HNRNPM: variants seen among roughly 807,000 people sequenced by gnomAD.
The protein encoded by HNRNPM is CEA receptor.
In HNRNPM, 11 loss-of-function variants were observed where a neutral mutation model predicts 73.1. The ratio of observed to expected loss-of-function variants is 0.15; its 90% CI spans 0.09 to 0.25. The LOEUF is 0.25. Among genes scored for constraint, HNRNPM ranks in the 10% least tolerant of loss-of-function variants. The pLI, the probability that HNRNPM is intolerant of heterozygous loss-of-function variation, is 1.00. For synonymous variants in HNRNPM, 407 were observed against 355.2 expected, an observed-to-expected ratio of 1.15 and a Z score of -1.64; for missense variants, 789 against 1,067.9, an observed-to-expected ratio of 0.74 and a Z score of 3.64.
chr19:8,452,929 C>T (rs1276846151), intron 1 of HNRNPM, among the ~76,000 whole-genome samples: 1 of 152,074 alleles, frequency 6.6e-6, no homozygotes, highest in African/African-American at 2.4e-5. Context: ...CAATCTTGAC[C>T]TCCTGGACTG....
intron 2 of HNRNPM, among the ~76,000 whole-genome samples, chr19:8,460,527 G>T (rs1969328684): frequency 6.6e-6 from 1 of 152,186 alleles, no homozygotes; most frequent in Non-Finnish European, 1.5e-5. Context: ...AGTCAGGTGT[G>T]CTATTTCTAG....
intron 1 of HNRNPM, among the ~76,000 whole-genome samples, chr19:8,452,229 A>T (rs1323387177): frequency 1.3e-5 from 2 of 152,214 alleles, no homozygotes; most frequent in Non-Finnish European, 1.5e-5. Context: ...TTCGTAGTTT[A>T]TAGGTGAGCT....
intron 2 of HNRNPM, among the ~76,000 whole-genome samples, chr19:8,456,303 A>G (rs141173253): frequency 6.6e-6 from 1 of 152,278 alleles, no homozygotes; most frequent in Non-Finnish European, 1.5e-5. Context: ...CCCCGTGCAC[A>G]CTGTGGTGTC....
chr19:8,483,822 G>A (rs745623541), intron 13 of HNRNPM, among the ~76,000 whole-genome samples: 1 of 152,196 alleles, frequency 6.6e-6, no homozygotes, highest in Non-Finnish European at 1.5e-5. Context: ...CTGGAGTGCC[G>A]TGGTGCAGTC....
chr19:8,459,074 C>A (rs1034036242), intron 2 of HNRNPM, among the ~76,000 whole-genome samples: 3 of 152,142 alleles, frequency 2.0e-5, no homozygotes, highest in Admixed American at 2.0e-4. Flanking sequence ...ATTAGGCACC[C>A]ACCACCACGC....
intron 13 of HNRNPM, among the ~76,000 whole-genome samples, chr19:8,484,849 C>T (rs1028133919): frequency 6.6e-6 from 1 of 152,148 alleles, no homozygotes; most frequent in Non-Finnish European, 1.5e-5. Context: ...TCCAGAGTTG[C>T]AAGCACCACG....
chr19:8,483,722 A>G (rs1287512277), intron 13 of HNRNPM, among the ~76,000 whole-genome samples: 2 of 152,194 alleles, frequency 1.3e-5, no homozygotes, highest in Non-Finnish European at 2.9e-5. Flanking sequence ...TTTTGTTCTG[A>G]ATCTTTCATT....
In HNRNPM at chr19:8,463,584, A is replaced by G. The variant is rs775339487; in HGVS notation, c.345-9A>G. The G allele has an allele frequency of 1.9e-6, 3 of 1,613,012 alleles. No individual in the cohort carries two copies. Among genetic ancestry groups the G allele is most frequent in the Non-Finnish European group, 1.7e-6 (2 of 1,179,350 alleles). On this transcript the variant is annotated splice_polypyrimidine_tract_variant and intron_variant, in intron 4 of 15. Coordinates refer to ENST00000325495, the MANE Select transcript of HNRNPM (RefSeq NM_005968.5). The stretch of plus-strand genomic sequence containing the variant: ...GTTTCACTCGACTCGTTTCCTTTTG[A>G]CTCTATAGTGTTGTTGAATTCAAGA...
chr19:8,476,980 G>A (rs1970554131), intron 12 of HNRNPM, among the ~76,000 whole-genome samples: 1 of 150,514 alleles, frequency 6.6e-6, no homozygotes, highest in Non-Finnish European at 1.5e-5. Flanking sequence ...TTCAAACTAG[G>A]AATGTTAAGC....
chr19:8,477,091 A>G (rs955359049), intron 12 of HNRNPM, among the ~76,000 whole-genome samples: 1 of 152,192 alleles, frequency 6.6e-6, no homozygotes, highest in Non-Finnish European at 1.5e-5. Context: ...CTCTGGCTGT[A>G]TAATGCAAGG....
intron 2 of HNRNPM, among the ~76,000 whole-genome samples, chr19:8,458,584 T>C (rs927471154): frequency 1.2e-4 from 19 of 152,120 alleles, no homozygotes; most frequent in African/African-American, 4.3e-4. Flanking sequence ...GCACCTGCAG[T>C]GAGTAAATAG....
intron 10 of HNRNPM, among the ~76,000 whole-genome samples, chr19:8,472,789 T>A (rs1460337330): frequency 6.6e-6 from 1 of 152,112 alleles, no homozygotes; most frequent in East Asian, 1.9e-4. Context: ...ACCATGTTGG[T>A]CAGGCCGGGC....
chr19:8,448,101 G>A (rs1462020631), intron 1 of HNRNPM, among the ~76,000 whole-genome samples: 1 of 152,192 alleles, frequency 6.6e-6, no homozygotes, highest in Non-Finnish European at 1.5e-5. Flanking sequence ...CAGCTGATGG[G>A]CAGTGAATTT....
At position 8,488,960 on chromosome 19, in the gene HNRNPM, A is replaced by G. The variant is rs777736823; in HGVS notation, c.*106A>G. On this transcript the variant is annotated 3_prime_UTR_variant, in exon 16 of 16. Transcript: ENST00000325495. The stretch of plus-strand genomic sequence containing the variant: ...ATGTATAAAGATGTTTAAAAAATTC[A>G]GTTGCTTTTTGGGGTAATTTGAATT... 6.4e-6 allele frequency: 7 copies of G among 1,093,922 alleles called. No individual in the cohort carries two copies. The highest frequency in any genetic ancestry group is 6.5e-6 in the Non-Finnish European group (5 of 770,098). The allele number at this position is 1,093,922 out of a possible 1,614,324, so 67.8% of individuals were successfully genotyped here.
intron 1 of HNRNPM, among the ~76,000 whole-genome samples, chr19:8,450,785 C>T (rs1448056150): frequency 1.3e-5 from 2 of 150,034 alleles, no homozygotes; most frequent in Non-Finnish European, 1.5e-5. Context: ...AGTGCAGTGG[C>T]GCTATCTCAC....
intron 15 of HNRNPM, 170 bp downstream of exon 15, chr19:8,487,245 G>A (rs1017468011): frequency 2.1e-5 from 14 of 673,488 alleles, no homozygotes; most frequent in Admixed American, 9.8e-5. Context: ...CCTGTGATGT[G>A]TCACATGTTT....
At chr19:8,477,674 AAAAAAAAAAAAAAAAAAAAGAACCTTAC>A (rs1970610822) in intron 12 of HNRNPM, among the ~76,000 whole-genome samples, 1 of 12,302 alleles carries the variant, frequency 8.1e-5, no homozygotes, top group African/African-American at 1.5e-4. Context: ...AAAAAAAAAA[AAAAAAAAAAAAAAAAAAAAGAACCTTAC>A]AAAATATGAG....
At chr19:8,482,165 A>G (rs142420198) in intron 12 of HNRNPM, among the ~76,000 whole-genome samples, 6,114 of 151,954 alleles carry the variant, frequency 0.04, 275 homozygotes, top group African/African-American at 0.11. Flanking sequence ...GGGTTTCACC[A>G]TGTTGGCCAG....
At chr19:8,472,229 G>T (rs112387416) in intron 10 of HNRNPM, among the ~76,000 whole-genome samples, 3,209 of 151,494 alleles carry the variant, frequency 0.021, 65 homozygotes, top group Middle Eastern at 0.073. Context: ...ATAAACTCAG[G>T]CTTTGCTGTT....
Sources: gnomAD v4.1 joint callset for allele counts (sites outside exome capture counted in the v4.1 genomes callset) on GRCh38, gnomAD v4.1.1 for gene constraint, MANE v1.5 for transcripts, NCBI Gene and HGNC (gene_info 2026-07-23, HGNC 2026-07-21) for gene names.